AUTS2: variants seen among roughly 807,000 people sequenced by gnomAD.
AUTS2 encodes autism susceptibility gene 2 protein.
A neutral mutation model predicts 112.4 loss-of-function variants in AUTS2; 17 were observed. That is an observed-to-expected ratio of 0.15 (90% CI 0.10 to 0.23). The LOEUF is 0.23. Among genes scored for constraint, AUTS2 ranks in the 10% least tolerant of loss-of-function variants. The pLI is 1.00. For missense variants in AUTS2, 1,510 were observed against 1,701.6 expected (o/e 0.89, Z 1.98); for synonymous variants, 751 against 702.7 (o/e 1.07, Z -1.09).
intron 4 of AUTS2, chr7:70,291,623 T>C (rs1160029162): frequency 2.6e-5 from 4 of 152,130 alleles, no homozygotes; most frequent in Non-Finnish European, 5.9e-5. Flanking sequence ...TTCCAGAAAA[T>C]TCAGACATGG....
intron 4 of AUTS2, among the ~76,000 whole-genome samples, chr7:70,245,170 A>ATATAT (rs57817453): frequency 3.4e-4 from 46 of 133,730 alleles, no homozygotes; most frequent in South Asian, 2.6e-3. Context: ...ATATATATAT[A>ATATAT]AAAAATAAAA....
At chr7:70,197,208 A>G (rs1033586688) in intron 4 of AUTS2, among the ~76,000 whole-genome samples, 28 of 152,198 alleles carry the variant, frequency 1.8e-4, no homozygotes, top group East Asian at 1.9e-4. Flanking sequence ...TTGAACATCA[A>G]TTTTCTCAGT....
chr7:69,693,083 A>G (rs933346839), intron 1 of AUTS2, among the ~76,000 whole-genome samples: 1 of 152,260 alleles, frequency 6.6e-6, no homozygotes, highest in Non-Finnish European at 1.5e-5. Context: ...TTAGAGTTGT[A>G]TAGACCTTAG....
At chr7:70,588,144 A>G (rs1021274366) in intron 5 of AUTS2, among the ~76,000 whole-genome samples, 5 of 152,198 alleles carry the variant, frequency 3.3e-5, no homozygotes, top group Admixed American at 3.3e-4. Context: ...AAAAGGAATG[A>G]TATGTAGTGA....
rs541234667 is a variant in AUTS2 at position 69,818,761 on chromosome 7, G to A, written c.310-80525G>A. On this transcript the variant is annotated intron_variant, in intron 1 of 18. Coordinates refer to ENST00000342771, the MANE Select transcript of AUTS2 (RefSeq NM_015570.4). ...GGAGAATAATAATAATGTGGCTGGCGATAAAGAAGAGAGAGTAAGGTTGAA... is the reference window on the plus strand; with the variant it reads ...GGAGAATAATAATAATGTGGCTGGCAATAAAGAAGAGAGAGTAAGGTTGAA... 2.0e-5 allele frequency among the ~76,000 whole-genome samples: 3 copies of A among 152,256 alleles called. No individual in the cohort carries two copies. The East Asian group carries it at 5.8e-4, about 29-fold the overall frequency.
chr7:70,499,158 G>C (rs1173491675), intron 5 of AUTS2, among the ~76,000 whole-genome samples: 1 of 152,180 alleles, frequency 6.6e-6, no homozygotes, highest in African/African-American at 2.4e-5. Flanking sequence ...CACGGAAGGT[G>C]AATGCACAAC....
chr7:70,615,437 G>A (rs547004957), intron 5 of AUTS2, among the ~76,000 whole-genome samples: 1 of 152,268 alleles, frequency 6.6e-6, no homozygotes, highest in African/African-American at 2.4e-5. Flanking sequence ...GGGAGCAGAG[G>A]CTTGAGAGGC....
chr7:69,899,162 A>G (rs946185807), intron 1 of AUTS2, 124 bp from the exon 2 acceptor site: 1 of 688,974 alleles, frequency 1.5e-6, no homozygotes, highest in African/African-American at 1.8e-5. Flanking sequence ...GTCTTCTCAT[A>G]TCCCACTTTC....
intron 1 of AUTS2, among the ~76,000 whole-genome samples, chr7:69,704,795 T>C (rs1797986773): frequency 6.6e-6 from 1 of 152,202 alleles, no homozygotes; most frequent in South Asian, 2.1e-4. Flanking sequence ...AGAGCTGAGA[T>C]TCATATTCAG....
At chr7:70,092,024 G>A (rs998888825) in intron 2 of AUTS2, among the ~76,000 whole-genome samples, 9 of 117,930 alleles carry the variant, frequency 7.6e-5, no homozygotes, top group South Asian at 2.7e-4. Flanking sequence ...ACAGGCAATC[G>A]TCATATCCCC....
chr7:70,730,573 G>C (rs561984643), intron 6 of AUTS2, among the ~76,000 whole-genome samples: 1 of 152,148 alleles, frequency 6.6e-6, no homozygotes, highest in South Asian at 2.1e-4. Flanking sequence ...TCATGTTGTG[G>C]AATATATCAG....
intron 2 of AUTS2, among the ~76,000 whole-genome samples, chr7:70,065,520 C>G (rs1035559134): frequency 3.9e-5 from 6 of 151,906 alleles, no homozygotes; most frequent in African/African-American, 1.5e-4. Flanking sequence ...ATGGTGAAAC[C>G]CCATCCCTAC....
chr7:69,945,111 A>C (rs1584476971), intron 2 of AUTS2, among the ~76,000 whole-genome samples: 1 of 152,230 alleles, frequency 6.6e-6, no homozygotes, highest in East Asian at 1.9e-4. Context: ...ATTTATTGAA[A>C]TATATTTCAC....
At chr7:69,925,679 G>A (rs543803605) in intron 2 of AUTS2, among the ~76,000 whole-genome samples, 24 of 152,208 alleles carry the variant, frequency 1.6e-4, no homozygotes, top group African/African-American at 5.5e-4. Flanking sequence ...TCTCATATCA[G>A]CCTGGCTTTT....
chr7:69,931,812 C>T (rs1796237906), intron 2 of AUTS2, among the ~76,000 whole-genome samples: 1 of 152,196 alleles, frequency 6.6e-6, no homozygotes, highest in African/African-American at 2.4e-5. Context: ...GCATAAAGGG[C>T]TCTTCAAGAT....
chr7:69,620,449 C>T (rs971518870), intron 1 of AUTS2, among the ~76,000 whole-genome samples: 4 of 151,686 alleles, frequency 2.6e-5, no homozygotes, highest in Non-Finnish European at 5.9e-5. Flanking sequence ...AAATGGATCT[C>T]GAGAAGAAAA....
At chr7:69,891,221 G>A (rs994666836) in intron 1 of AUTS2, among the ~76,000 whole-genome samples, 1 of 152,042 alleles carries the variant, frequency 6.6e-6, no homozygotes, top group Non-Finnish European at 1.5e-5. Flanking sequence ...TATATAAATG[G>A]GATCATACAT....
At chr7:70,584,354 TAAAC>T (rs1335238248) in intron 5 of AUTS2, among the ~76,000 whole-genome samples, 2 of 152,238 alleles carry the variant, frequency 1.3e-5, no homozygotes, top group Admixed American at 6.5e-5. Context: ...TGATAATTAT[TAAAC>T]AAAGTATCTT....
At chr7:69,905,605 T>C (rs563613663) in intron 2 of AUTS2, among the ~76,000 whole-genome samples, 4 of 152,206 alleles carry the variant, frequency 2.6e-5, no homozygotes, top group Non-Finnish European at 5.9e-5. Context: ...TGTTTTTGTT[T>C]TATCTGGACA....
Sources: gnomAD v4.1 joint callset for allele counts (sites outside exome capture counted in the v4.1 genomes callset) on GRCh38, gnomAD v4.1.1 for gene constraint, MANE v1.5 for transcripts, NCBI Gene and HGNC (gene_info 2026-07-23, HGNC 2026-07-21) for gene names.